Variants in KMT5A observed in about 807,000 individuals in gnomAD.
The protein encoded by KMT5A is N-lysine methyltransferase KMT5A.
Under a neutral mutation model 40.6 loss-of-function variants are expected in KMT5A, and 6 were observed. The observed-to-expected ratio is 0.15, with a 90% CI of 0.08 to 0.29. KMT5A has a LOEUF of 0.29. Among genes scored for constraint, KMT5A ranks in the 10% least tolerant of loss-of-function variants. The pLI, the probability that KMT5A is intolerant of heterozygous loss-of-function variation, is 1.00. For synonymous variants in KMT5A, 153 were observed against 178.8 expected (o/e 0.86, Z 1.15); for missense variants, 308 against 459.1 (o/e 0.67, Z 3.01).
At chr12:123,387,992 G>A (rs1196127831) in intron 1 of KMT5A, among the ~76,000 whole-genome samples, 5 of 152,216 alleles carry the variant, frequency 3.3e-5, no homozygotes, top group African/African-American at 7.2e-5. Context: ...TTGCATCTAT[G>A]ACTTTGCACA....
intron 7 of KMT5A, among the ~76,000 whole-genome samples, chr12:123,406,250 G>A (rs1409699843): frequency 6.6e-6 from 1 of 152,240 alleles, no homozygotes; most frequent in Admixed American, 6.5e-5. Flanking sequence ...GGCCAGAGCA[G>A]CTCTGGAAAT....
rs35066972 is a variant in KMT5A at position 123,408,538 on chromosome 12, A to G, written c.*835A>G. The stretch of plus-strand genomic sequence containing the variant: ...CCACAGAAAACAACTTTACATGTAT[A>G]TAGGTCTTGAAGTGAGTGAAGTGGC... On this transcript the variant is annotated 3_prime_UTR_variant, in exon 8 of 8. Transcript: ENST00000402868. 126 of 148,284 alleles carry G rather than the reference A, an allele frequency of 8.5e-4. No individual in the cohort carries two copies. The highest frequency in any genetic ancestry group is 1.2e-3 in the Non-Finnish European group (83 of 67,026). 9.2% of individuals were successfully genotyped at this position (148,284 alleles called of 1,614,324 possible).
chr12:123,391,608 G>T (rs1237248680), intron 3 of KMT5A, among the ~76,000 whole-genome samples: 1 of 152,224 alleles, frequency 6.6e-6, no homozygotes, highest in Non-Finnish European at 1.5e-5. Flanking sequence ...AAAATACAGG[G>T]TTAATGAAAA....
chr12:123,398,527 C>G (rs1005919474), intron 5 of KMT5A, among the ~76,000 whole-genome samples: 2 of 152,218 alleles, frequency 1.3e-5, no homozygotes, highest in African/African-American at 4.8e-5. Flanking sequence ...CTAAATCTTG[C>G]AGCAGATGAG....
intron 2 of KMT5A, chr12:123,389,959 C>T: frequency 2.3e-6 from 1 of 428,494 alleles, no homozygotes; most frequent in South Asian, 1.7e-5. Flanking sequence ...CGCCCAGAGG[C>T]GCCCGCAGTG....
At chr12:123,403,512 A>C in intron 5 of KMT5A, 61 bp from the exon 6 acceptor site, 7 of 1,575,322 alleles carry the variant, frequency 4.4e-6, no homozygotes, top group Non-Finnish European at 6.1e-6. Context: ...CAAGACCATC[A>C]AGCTACGCAC....
At chr12:123,399,605 TG>T (rs957830350) in intron 5 of KMT5A, among the ~76,000 whole-genome samples, 1 of 152,148 alleles carries the variant, frequency 6.6e-6, no homozygotes, top group African/African-American at 2.4e-5. Context: ...TGTGTGATGG[TG>T]GTGGTGTTGC....
chr12:123,400,859 G>T (rs1435413557), intron 5 of KMT5A, among the ~76,000 whole-genome samples: 1 of 151,898 alleles, frequency 6.6e-6, no homozygotes, highest in African/African-American at 2.4e-5. Flanking sequence ...CTGTTGCCCA[G>T]GCTGGAGTAC....
intron 4 of KMT5A, among the ~76,000 whole-genome samples, chr12:123,395,571 T>G (rs548123867): frequency 3.4e-4 from 51 of 150,798 alleles, no homozygotes; most frequent in South Asian, 1.5e-3. Context: ...TTTGTGTTTT[T>G]TTTTTTTTTT....
At chr12:123,390,280 G>C in intron 2 of KMT5A, 1 of 392,454 alleles carries the variant, frequency 2.5e-6, no homozygotes, top group South Asian at 1.9e-5. Context: ...TGCCAGGGCA[G>C]TGAACTCCTA....
chr12:123,405,303 C>T (rs1490929361), intron 7 of KMT5A, among the ~76,000 whole-genome samples: 1 of 151,344 alleles, frequency 6.6e-6, no homozygotes, highest in Non-Finnish European at 1.5e-5. Context: ...GAATTCTCCT[C>T]CCTCAGCCTC....
At chr12:123,391,375 G>C (rs990238581) in intron 3 of KMT5A, 16 of 154,080 alleles carry the variant, frequency 1.0e-4, no homozygotes, top group African/African-American at 3.9e-4. Flanking sequence ...TTGTATTTTT[G>C]GTAGAGACGG....
chr12:123,393,457 AC>A (rs1194017008), intron 3 of KMT5A, among the ~76,000 whole-genome samples: 1 of 152,172 alleles, frequency 6.6e-6, no homozygotes, highest in Non-Finnish European at 1.5e-5. Context: ...ATCACAAAAT[AC>A]ATAGCCTTTT....
intron 5 of KMT5A, among the ~76,000 whole-genome samples, chr12:123,400,899 G>A (rs1878104908): frequency 1.3e-5 from 2 of 151,452 alleles, no homozygotes; most frequent in Admixed American, 6.6e-5. Flanking sequence ...ACTAACCTCC[G>A]CCTCCTGGCC....
chr12:123,395,288 C>T (rs1397752008), intron 4 of KMT5A, 22 bp downstream of exon 4: 6 of 1,605,874 alleles, frequency 3.7e-6, no homozygotes, highest in Non-Finnish European at 4.3e-6. Flanking sequence ...ATTCAGTCCT[C>T]TTCCTAACGT....
rs569111047 is a variant in KMT5A at position 123,384,663 on chromosome 12, G to C, written c.10+455G>C. 6.6e-6 allele frequency among the ~76,000 whole-genome samples: 1 copy of C among 152,256 alleles called. No homozygotes were observed. Among genetic ancestry groups the C allele is most frequent in the African/African-American group, 2.4e-5 (1 of 41,472 alleles). On this transcript the variant is annotated intron_variant, in intron 1 of 7. Coordinates refer to ENST00000402868, the MANE Select transcript of KMT5A (RefSeq NM_020382.7). The surrounding 1 kb of genome is among the most constrained non-coding windows in gnomAD (Gnocchi z 5.7). ...CGATAACCTGCATATTGGGGTGCGC[G>C]TCAGGGTGGACACCGCAGCAGGCGC...
chr12:123,387,949 G>C (rs1463275791), intron 1 of KMT5A, among the ~76,000 whole-genome samples: 1 of 152,234 alleles, frequency 6.6e-6, no homozygotes, highest in Non-Finnish European at 1.5e-5. Flanking sequence ...CATGGGCCAG[G>C]CTGCAGGAGC....
Position 123,384,652 on chromosome 12 carries a change from T to A in KMT5A, c.10+444T>A, listed in dbSNP as rs1338934834. On this transcript the variant is annotated intron_variant, in intron 1 of 7. Coordinates refer to ENST00000402868, the MANE Select transcript of KMT5A (RefSeq NM_020382.7). The surrounding 1 kb of genome is among the most constrained non-coding windows in gnomAD (Gnocchi z 5.7). ...AAGGCGCAGATCGATAACCTGCATA[T>A]TGGGGTGCGCGTCAGGGTGGACACC... is the stretch of plus-strand genomic sequence containing the variant. Among the ~76,000 whole-genome samples, 1 of 152,236 alleles carries A rather than the reference T, an allele frequency of 6.6e-6. No homozygotes were observed. The highest frequency in any genetic ancestry group is 2.4e-5 in the African/African-American group (1 of 41,458).
chr12:123,390,295 T>A (rs1431527377), intron 2 of KMT5A: 1 of 386,248 alleles, frequency 2.6e-6, no homozygotes, highest in South Asian at 2.0e-5. Context: ...CTCCTAAAGA[T>A]AGCCTAGCTC....
Sources: gnomAD v4.1 joint callset for allele counts (sites outside exome capture counted in the v4.1 genomes callset) on GRCh38, gnomAD v4.1.1 for gene constraint, Gnocchi (gnomAD v3.1) non-coding constraint, MANE v1.5 for transcripts, NCBI Gene and HGNC (gene_info 2026-07-23, HGNC 2026-07-21) for gene names.